SERPINA3: variants seen among roughly 807,000 people sequenced by gnomAD.
SERPINA3 encodes alpha-1-antichymotrypsin.
A neutral mutation model predicts 26.8 loss-of-function variants in SERPINA3; 32 were observed. The ratio of observed to expected loss-of-function variants is 1.20; its 90% CI spans 0.90 to 1.61. The LOEUF (loss-of-function observed/expected upper bound fraction) is 1.61. SERPINA3 is among the 40% of genes most tolerant of loss of function. SERPINA3 has a pLI of 0.00. For synonymous variants in SERPINA3, 252 were observed against 206.4 expected (o/e 1.22, Z -1.89); for missense variants, 632 against 517.9 (o/e 1.22, Z -2.14).
chr14:94,614,387 G>A lies in SERPINA3; in HGVS notation c.-8-47G>A, dbSNP rs140739148. The A allele has an allele frequency of 2.6e-3, 4,164 of 1,584,156 alleles. 12 individuals are homozygous for A. Among genetic ancestry groups the A allele is most frequent in the Admixed American group, 3.4e-3 (205 of 59,992 alleles). ...GGGTGGAGGGCAGTGGGAGGTGGTC[G>A]GGGCTCCATCTGGCCCTCTGAGACT... is the stretch of plus-strand genomic sequence containing the variant. On this transcript the variant is annotated intron_variant, in intron 1 of 4. Coordinates refer to ENST00000393078, the MANE Select transcript of SERPINA3 (RefSeq NM_001085.5).
intron 3 of SERPINA3, among the ~76,000 whole-genome samples, chr14:94,620,830 C>A (rs1439180022): frequency 6.6e-6 from 1 of 152,094 alleles, no homozygotes; most frequent in South Asian, 2.1e-4. Context: ...CTGCAGTGGG[C>A]CCAGGGAGTG....
chr14:94,619,126 T>G, intron 2 of SERPINA3, 69 bp from the exon 3 acceptor site: 1 of 1,579,240 alleles, frequency 6.3e-7, no homozygotes, highest in South Asian at 1.1e-5. Flanking sequence ...CTTCCACTGC[T>G]GCGGAAGCAG....
At chr14:94,614,292 A>C (rs1439600941) in intron 1 of SERPINA3, 142 bp from the exon 2 acceptor site, 1 of 761,534 alleles carries the variant, frequency 1.3e-6, no homozygotes, top group African/African-American at 1.7e-5. Context: ...CGGGTGCCCC[A>C]GAGAGCACCT....
Position 94,614,795 on chromosome 14 carries a change from C to T in SERPINA3, c.354C>T (p.Ser118=), listed in dbSNP as rs768388223. 1.9e-6 allele frequency: 3 copies of T among 1,614,214 alleles called. No homozygotes were observed. The East Asian group carries it at 6.7e-5, about 36-fold the overall frequency. Residue 118 remains serine (S), a synonymous_variant, in exon 2 of 5, where the codon AGC becomes AGT. Transcript: ENST00000393078. ...CTTCTGAGGCAGAAATTCACCAGAG[C>T]TTCCAGCACCTCCTGCGCACCCTCA... ...TETSEAEIHQ[S]FQHLLRTLNQ...
intron 2 of SERPINA3, 122 bp downstream of exon 2, chr14:94,615,206 A>G (rs1473897256): frequency 2.7e-6 from 3 of 1,111,434 alleles, no homozygotes; most frequent in Non-Finnish European, 4.1e-6. Flanking sequence ...TGGGGGCAGC[A>G]TAAGCATCAA....
intron 2 of SERPINA3, chr14:94,617,997 C>T (rs1280341278): frequency 6.6e-6 from 1 of 152,076 alleles, no homozygotes; most frequent in African/African-American, 2.4e-5. Flanking sequence ...GCTGTATTGG[C>T]TTACAGGCTA....
chr14:94,623,771 ACAT>A lies in SERPINA3; in HGVS notation c.1231_1233del (p.Ile411del). The A allele has an allele frequency of 6.2e-7, 1 of 1,614,132 alleles. No homozygotes were observed. The highest frequency in any genetic ancestry group is 8.5e-7 in the Non-Finnish European group (1 of 1,180,032). On this transcript the variant is annotated inframe_deletion, in exon 5 of 5. Transcript: ENST00000393078. ...ATCATTGTCCCTACAGACACCCAGA[ACAT>A]CTTCTTCATGAGCAAAGTCACCAAT...
chr14:94,615,248 C>T (rs1451325791), intron 2 of SERPINA3, among the ~76,000 whole-genome samples, 164 bp downstream of exon 2: 1 of 152,218 alleles, frequency 6.6e-6, no homozygotes, highest in South Asian at 2.1e-4. Context: ...ATCGCCGTCT[C>T]CTGTGGGGTT....
chr14:94,619,496 C>T, intron 3 of SERPINA3, 28 bp downstream of exon 3: 1 of 1,613,324 alleles, frequency 6.2e-7, no homozygotes, highest in Non-Finnish European at 8.5e-7. Flanking sequence ...CCAAAGACCC[C>T]ACATCTCTCC....
intron 2 of SERPINA3, among the ~76,000 whole-genome samples, chr14:94,616,996 C>T (rs1260388936): frequency 6.6e-6 from 1 of 152,152 alleles, no homozygotes; most frequent in Non-Finnish European, 1.5e-5. Flanking sequence ...ATCTCTCTCC[C>T]CATTCTGGCA....
At position 94,614,540 on chromosome 14, in the gene SERPINA3, T is replaced by C. The variant is rs868570978; in HGVS notation, c.99T>C (p.Asn33=). The part of the protein sequence containing the change: ...CHPNSPLDEE[N]LTQENQDRGT... ...CTAACAGCCCACTTGACGAGGAGAA[T>C]CTGACCCAGGAGAACCAAGACCGAG... The change falls in exon 2 of 5, where the codon AAT becomes AAC. Residue 33 remains asparagine, a synonymous_variant. Coordinates refer to ENST00000393078, the MANE Select transcript of SERPINA3 (RefSeq NM_001085.5). 1 of 1,613,994 alleles carries C rather than the reference T, an allele frequency of 6.2e-7. No homozygotes were observed. Among genetic ancestry groups the C allele is most frequent in the Non-Finnish European group, 8.5e-7 (1 of 1,179,914 alleles).
rs1474485819 is a variant in SERPINA3 at position 94,622,468 on chromosome 14, G to T, written c.1045G>T (p.Ala349Ser). ...SKADLSGITG[A>S]RNLAVSQVVH... is the part of the protein sequence containing the mutation. Reference sequence around the variant, plus strand: ...GGCTGACCTGTCAGGGATCACAGGGGCCAGGAACCTAGCAGTCTCCCAGGT... The same window carrying T: ...GGCTGACCTGTCAGGGATCACAGGGTCCAGGAACCTAGCAGTCTCCCAGGT... Residue 349 changes from alanine to serine, a missense_variant, in exon 4 of 5, where the codon GCC becomes TCC. Physicochemically the swap from Ala to Ser is moderately conservative, Grantham distance 99. Transcript: ENST00000393078. The T allele has an allele frequency of 6.2e-7, 1 of 1,614,038 alleles. No homozygotes were observed. Among genetic ancestry groups the T allele is most frequent in the East Asian group, 2.2e-5 (1 of 44,882 alleles).
intron 3 of SERPINA3, 43 bp downstream of exon 3, chr14:94,619,511 C>G: frequency 3.1e-6 from 5 of 1,611,514 alleles, no homozygotes; most frequent in Non-Finnish European, 4.2e-6. Flanking sequence ...CTCTCCACGT[C>G]AAGGTCTCAC....
chr14:94,621,661 G>A (rs913907525), intron 3 of SERPINA3, among the ~76,000 whole-genome samples: 2 of 152,222 alleles, frequency 1.3e-5, no homozygotes, highest in East Asian at 1.9e-4. Flanking sequence ...CACTGGTGAG[G>A]CAAGATGGGA....
At position 94,623,951 on chromosome 14, in the gene SERPINA3, G is replaced by A. The variant is rs1017058537; in HGVS notation, c.*137G>A. The A allele has an allele frequency of 1.1e-5, 9 of 790,386 alleles. No homozygotes were observed. The highest frequency in any genetic ancestry group is 3.4e-5 in the African/African-American group (2 of 59,216). The allele number at this position is 790,386 out of a possible 1,614,324, so 49.0% of individuals were successfully genotyped here. A position where few individuals can be genotyped will look rare whatever the true frequency, so the allele number is the denominator to read the frequency against. ...GGCCCTGTCTGCTTATCCTTGGAAGGTGACAGCGATTCCCTGTGTAGCTCT... is the reference window on the plus strand; with the variant it reads ...GGCCCTGTCTGCTTATCCTTGGAAGATGACAGCGATTCCCTGTGTAGCTCT... On this transcript the variant is annotated 3_prime_UTR_variant, in exon 5 of 5. Transcript: ENST00000393078.
At chr14:94,619,739 T>C (rs1886132830) in intron 3 of SERPINA3, 1 of 520,598 alleles carries the variant, frequency 1.9e-6, no homozygotes, top group Non-Finnish European at 3.5e-6. Flanking sequence ...CAAACACTCA[T>C]GCATGGTTTC....
intron 1 of SERPINA3, 83 bp from the exon 2 acceptor site, chr14:94,614,351 G>A (rs1157670755): frequency 4.9e-6 from 7 of 1,420,956 alleles, no homozygotes; most frequent in Non-Finnish European, 6.9e-6. Context: ...ACAGGGACCA[G>A]GACGCAGGCT....
chr14:94,612,705 G>T (rs1885827879), intron 1 of SERPINA3, among the ~76,000 whole-genome samples: 1 of 152,234 alleles, frequency 6.6e-6, no homozygotes, highest in South Asian at 2.1e-4. Flanking sequence ...TTTCTGCCTT[G>T]ATACTTACAG....
At position 94,623,717 on chromosome 14, in the gene SERPINA3, T is replaced by C; in HGVS notation, c.1175T>C (p.Ile392Thr). The C allele has an allele frequency of 6.2e-7, 1 of 1,614,114 alleles. No homozygotes were observed. Among genetic ancestry groups the C allele is most frequent in the Non-Finnish European group, 8.5e-7 (1 of 1,179,994 alleles). Residue 392 changes from isoleucine to threonine, a missense_variant, in exon 5 of 5, where the codon ATT (isoleucine) becomes ACT (threonine). Coordinates refer to ENST00000393078, the MANE Select transcript of SERPINA3 (RefSeq NM_001085.5). Reference sequence around the variant, plus strand: ...TCTGCATTAGTGGAGACAAGGACCATTGTGCGTTTCAACAGGCCCTTCCTG... The same window carrying C: ...TCTGCATTAGTGGAGACAAGGACCACTGTGCGTTTCAACAGGCCCTTCCTG... ...LLSALVETRTIVRFNRPFLMI... is the reference protein window; with the variant it reads ...LLSALVETRTTVRFNRPFLMI...
Sources: allele counts gnomAD v4.1 joint callset (sites outside exome capture counted in the v4.1 genomes callset), GRCh38; gene constraint gnomAD v4.1.1; transcripts MANE v1.5; gene names NCBI Gene and HGNC (gene_info 2026-07-23, HGNC 2026-07-21).